SMYD3: variants seen among roughly 807,000 people sequenced by gnomAD.
SMYD3 encodes the protein histone-lysine N-methyltransferase SMYD3.
Under a neutral mutation model 57.7 loss-of-function variants are expected in SMYD3, and 36 were observed. The observed-to-expected ratio is 0.62, with a 90% CI of 0.48 to 0.82. SMYD3 has a LOEUF of 0.82. SMYD3 is among the 40% of genes least tolerant of loss of function. The pLI is 0.00. For synonymous variants in SMYD3, 211 were observed against 195.0 expected, an observed-to-expected ratio of 1.08 and a Z score of -0.68; for missense variants, 515 against 538.8, an observed-to-expected ratio of 0.96 and a Z score of 0.44.
intron 7 of SMYD3, among the ~76,000 whole-genome samples, chr1:245,921,547 G>GTACATATATATATA (rs1491323831): frequency 2.6e-4 from 9 of 35,086 alleles, no homozygotes; most frequent in African/African-American, 5.2e-4. Flanking sequence ...AAAAAATGTG[G>GTACATATATATATA]TGTATATATA....
At chr1:246,258,397 G>A (rs974568801) in intron 5 of SMYD3, among the ~76,000 whole-genome samples, 1 of 152,180 alleles carries the variant, frequency 6.6e-6, no homozygotes, top group Non-Finnish European at 1.5e-5. Flanking sequence ...AGGAACTCTT[G>A]TGAGGCTGGT....
chr1:245,826,789 C>A (rs60701809), intron 10 of SMYD3, among the ~76,000 whole-genome samples: 8 of 152,164 alleles, frequency 5.3e-5, no homozygotes, highest in Admixed American at 5.2e-4. Flanking sequence ...CCTCACAGGG[C>A]GGCAGGAAGG....
At chr1:246,194,187 TC>T (rs2062790694) in intron 5 of SMYD3, among the ~76,000 whole-genome samples, 1 of 151,804 alleles carries the variant, frequency 6.6e-6, no homozygotes, top group Non-Finnish European at 1.5e-5. Context: ...TAAAAAAGTA[TC>T]AAGGGGGTCT....
At chr1:245,828,425 G>C (rs1347104292) in intron 10 of SMYD3, among the ~76,000 whole-genome samples, 1 of 152,118 alleles carries the variant, frequency 6.6e-6, no homozygotes, top group Non-Finnish European at 1.5e-5. Flanking sequence ...CCAATAAAAA[G>C]AAAGGAAGTC....
chr1:246,410,097 A>G (rs1214368961), intron 1 of SMYD3, among the ~76,000 whole-genome samples: 6 of 152,198 alleles, frequency 3.9e-5, no homozygotes, highest in Non-Finnish European at 8.8e-5. Context: ...TTCTAGATAT[A>G]CAATCATGTC....
At position 246,202,696 on chromosome 1, in the gene SMYD3, CT is replaced by C. The variant is rs1303210153; in HGVS notation, c.531+124504del. ...GTATCACGCTAGCTAACAAAATATA[CT>C]CCAAATCCTTTTCCATTCAATACAT... On this transcript the variant is annotated intron_variant, in intron 5 of 11. Transcript: ENST00000490107. This position sits in a 1 kb window ranked among gnomAD's most constrained non-coding sequence, Gnocchi z 4.1. Among the ~76,000 whole-genome samples, 1 of 152,192 alleles carries C rather than the reference CT, an allele frequency of 6.6e-6. No individual in the cohort carries two copies. Among genetic ancestry groups the C allele is most frequent in the African/African-American group, 2.4e-5 (1 of 41,442 alleles).
chr1:246,262,378 AATT>A (rs1186800537), intron 5 of SMYD3, among the ~76,000 whole-genome samples: 1 of 152,236 alleles, frequency 6.6e-6, no homozygotes, highest in Admixed American at 6.5e-5. Context: ...TATGACTAAC[AATT>A]ATTAAACATC....
At chr1:245,793,329 T>A (rs1333992948) in intron 10 of SMYD3, among the ~76,000 whole-genome samples, 1 of 151,548 alleles carries the variant, frequency 6.6e-6, no homozygotes, top group African/African-American at 2.4e-5. Context: ...AAAAGAAATA[T>A]CTTCCATTTA....
intron 5 of SMYD3, among the ~76,000 whole-genome samples, chr1:246,060,707 G>C (rs1346862304): frequency 6.6e-6 from 1 of 152,020 alleles, no homozygotes; most frequent in Non-Finnish European, 1.5e-5. Context: ...TAGATCTCAT[G>C]TCTGGCATAA....
At chr1:245,909,844 C>G (rs1014718473) in intron 8 of SMYD3, among the ~76,000 whole-genome samples, 1 of 152,034 alleles carries the variant, frequency 6.6e-6, no homozygotes, top group African/African-American at 2.4e-5. Context: ...ATGACAAACC[C>G]CAAGCTAGCA....
chr1:246,091,843 G>GT (rs1328619761), intron 5 of SMYD3, among the ~76,000 whole-genome samples: 5 of 152,104 alleles, frequency 3.3e-5, no homozygotes, highest in South Asian at 2.1e-4. Context: ...AAACTCAAAG[G>GT]TTTTTTATAT....
chr1:246,019,071 A>G (rs1293753308), intron 5 of SMYD3, among the ~76,000 whole-genome samples: 1 of 151,976 alleles, frequency 6.6e-6, no homozygotes, highest in African/African-American at 2.4e-5. Flanking sequence ...CTACTTTTCT[A>G]TTTCCTCTGA....
Position 246,115,356 on chromosome 1 carries a change from G to A in SMYD3, c.532-185419C>T, listed in dbSNP as rs980470920. ...AGGGGTATTGAATAGAAGACCCAAAGAGCCTTGCCTCAGTGACTTGCCCTA... is the reference window on the plus strand; with the variant it reads ...AGGGGTATTGAATAGAAGACCCAAAAAGCCTTGCCTCAGTGACTTGCCCTA... On this transcript the variant is annotated intron_variant, in intron 5 of 11. Coordinates refer to ENST00000490107, the MANE Select transcript of SMYD3 (RefSeq NM_001167740.2). Among the ~76,000 whole-genome samples the A allele has an allele frequency of 6.6e-5, 10 of 152,234 alleles. No individual in the cohort carries two copies. In the East Asian group the frequency reaches 1.2e-3, roughly 18 times the overall value.
At chr1:246,374,856 G>GA in intron 1 of SMYD3, among the ~76,000 whole-genome samples, 1 of 152,038 alleles carries the variant, frequency 6.6e-6, no homozygotes, top group South Asian at 2.1e-4. Context: ...AGTTTGGGGG[G>GA]CCGAGGCAGG....
chr1:246,259,029 T>G lies in SMYD3; in HGVS notation c.531+68172A>C, dbSNP rs561355374. 2.2e-3 allele frequency among the ~76,000 whole-genome samples: 333 copies of G among 152,364 alleles called. 2 individuals carry two copies. The highest frequency in any genetic ancestry group is 0.01 in the Middle Eastern group (3 of 294). ...CATTAATAAAACTTTGAATTGTATT[T>G]TTAAATTTCTTAAGTGAGTTTTTCA... On this transcript the variant is annotated intron_variant, in intron 5 of 11. Coordinates refer to ENST00000490107, the MANE Select transcript of SMYD3 (RefSeq NM_001167740.2).
intron 1 of SMYD3, among the ~76,000 whole-genome samples, chr1:246,395,724 C>CCA (rs78938371): frequency 0.55 from 28,800 of 52,012 alleles, 5,091 homozygotes; most frequent in Non-Finnish European, 0.56. Context: ...GACGAACACA[C>CCA]CAGTCAGACA....
intron 11 of SMYD3, among the ~76,000 whole-genome samples, chr1:245,752,454 T>C (rs1345848630): frequency 3.3e-5 from 5 of 152,190 alleles, no homozygotes; most frequent in Admixed American, 6.5e-5. Flanking sequence ...TCTCTCTGAC[T>C]TGACTCAGAG....
At chr1:246,366,909 C>T (rs1410685437) in intron 1 of SMYD3, among the ~76,000 whole-genome samples, 6 of 127,186 alleles carry the variant, frequency 4.7e-5, no homozygotes, top group East Asian at 2.4e-4. Context: ...CCAGCCTGGG[C>T]GACAGAGCGA....
intron 10 of SMYD3, among the ~76,000 whole-genome samples, chr1:245,803,968 G>C (rs888638253): frequency 1.9e-4 from 29 of 149,476 alleles, no homozygotes; most frequent in Middle Eastern, 3.3e-3. Context: ...GGCTGGAGTG[G>C]AGTGGCACAA....
Sources: gnomAD v4.1 joint callset for allele counts (sites outside exome capture counted in the v4.1 genomes callset) on GRCh38, gnomAD v4.1.1 for gene constraint, Gnocchi (gnomAD v3.1) non-coding constraint, MANE v1.5 for transcripts, NCBI Gene and HGNC (gene_info 2026-07-23, HGNC 2026-07-21) for gene names.